DNER: variants seen among roughly 807,000 people sequenced by gnomAD.
The protein encoded by DNER is delta and Notch-like epidermal growth factor-related receptor.
A neutral mutation model predicts 78.2 loss-of-function variants in DNER; 33 were observed. That is an observed-to-expected ratio of 0.42 (90% CI 0.32 to 0.56). The LOEUF (loss-of-function observed/expected upper bound fraction) is 0.56, where lower values mean the gene tolerates loss of function less well. Ranked by LOEUF, DNER falls within the 20% of genes least tolerant of loss-of-function variation. DNER has a pLI of 0.11. For synonymous variants in DNER, 417 were observed against 384.8 expected, an observed-to-expected ratio of 1.08 and a Z score of -0.98; for missense variants, 918 against 975.3, an observed-to-expected ratio of 0.94 and a Z score of 0.78.
At chr2:229,606,940 G>A (rs1359543250) in intron 1 of DNER, among the ~76,000 whole-genome samples, 1 of 152,038 alleles carries the variant, frequency 6.6e-6, no homozygotes, top group African/African-American at 2.4e-5. Context: ...ACGTGTTTAG[G>A]ATCAGTACAG....
intron 6 of DNER, among the ~76,000 whole-genome samples, chr2:229,493,239 A>T (rs1390376868): frequency 6.6e-6 from 1 of 152,226 alleles, no homozygotes; most frequent in African/African-American, 2.4e-5. Flanking sequence ...AATTAGTAGG[A>T]ACAATGTAGT....
In DNER at chr2:229,570,515, T is replaced by G. The variant is rs1366187993; in HGVS notation, c.847+15343A>C. On this transcript the variant is annotated intron_variant, in intron 4 of 12. Coordinates refer to ENST00000341772, the MANE Select transcript of DNER (RefSeq NM_139072.4). ...GGTGTTGGGCGCCTATAATCCCAGC[T>G]ACGTGGGAGGCTGAGGCAGGAGAAT... 2.0e-5 allele frequency among the ~76,000 whole-genome samples: 3 copies of G among 151,754 alleles called. No individual in the cohort carries two copies. The East Asian group carries it at 5.8e-4, about 29-fold the overall frequency.
At chr2:229,654,154 C>T (rs1698871843) in intron 1 of DNER, among the ~76,000 whole-genome samples, 1 of 151,942 alleles carries the variant, frequency 6.6e-6, no homozygotes, top group Non-Finnish European at 1.5e-5. Context: ...GTGATGTTCC[C>T]CACCCTGTGT....
At chr2:229,551,378 A>AGGC (rs200132583) in intron 4 of DNER, among the ~76,000 whole-genome samples, 19,215 of 152,248 alleles carry the variant, frequency 0.13, 1,380 homozygotes, top group Middle Eastern at 0.21. Context: ...TCACGCCTGT[A>AGGC]ATCTCAGCAC....
intron 12 of DNER, among the ~76,000 whole-genome samples, chr2:229,358,943 A>C (rs1203713730): frequency 2.0e-5 from 3 of 152,232 alleles, no homozygotes; most frequent in Non-Finnish European, 4.4e-5. Context: ...AATAGATTTT[A>C]AGAAAATGTG....
At chr2:229,599,492 T>C (rs1697787703) in intron 1 of DNER, among the ~76,000 whole-genome samples, 1 of 152,364 alleles carries the variant, frequency 6.6e-6, no homozygotes, top group South Asian at 2.1e-4. Context: ...AGCAGCATGC[T>C]GTGTCCTTAC....
chr2:229,659,114 C>T (rs1340318846), intron 1 of DNER, among the ~76,000 whole-genome samples: 1 of 152,110 alleles, frequency 6.6e-6, no homozygotes, highest in Non-Finnish European at 1.5e-5. Flanking sequence ...GCAAGGGTAC[C>T]CGGCAGTTTC....
chr2:229,403,458 A>G (rs945681210), intron 10 of DNER, among the ~76,000 whole-genome samples: 1 of 152,174 alleles, frequency 6.6e-6, no homozygotes, highest in Non-Finnish European at 1.5e-5. Flanking sequence ...CATGTCCCAC[A>G]TTTATTTGGC....
At chr2:229,466,789 T>C (rs532011772) in intron 7 of DNER, among the ~76,000 whole-genome samples, 1 of 152,174 alleles carries the variant, frequency 6.6e-6, no homozygotes, top group Non-Finnish European at 1.5e-5. Context: ...ATAGAACATG[T>C]AGAGCACACT....
chr2:229,520,694 G>A (rs1162331250), intron 5 of DNER, among the ~76,000 whole-genome samples: 1 of 152,108 alleles, frequency 6.6e-6, no homozygotes, highest in Non-Finnish European at 1.5e-5. Context: ...AATTCCATTT[G>A]AGCATCCCAC....
intron 6 of DNER, among the ~76,000 whole-genome samples, chr2:229,482,818 G>T (rs935158648): frequency 1.3e-5 from 2 of 152,052 alleles, no homozygotes; most frequent in Non-Finnish European, 2.9e-5. Context: ...AAGACAGGAG[G>T]GTTTAGAAAT....
intron 6 of DNER, among the ~76,000 whole-genome samples, chr2:229,503,789 T>C (rs1194743894): frequency 1.3e-5 from 2 of 152,230 alleles, no homozygotes; most frequent in African/African-American, 2.4e-5. Context: ...GTCACCTGGG[T>C]TGAATATAGT....
chr2:229,707,180 A>ATTTTTTTTTTTTT (rs397868353), intron 1 of DNER, among the ~76,000 whole-genome samples: 2 of 94,610 alleles, frequency 2.1e-5, no homozygotes, highest in Non-Finnish European at 1.9e-5. Context: ...CGGCTGGCTA[A>ATTTTTTTTTTTTT]TTTTTTTTTT....
chr2:229,458,135 C>CAAAAAAAAAAAAAAAA (rs61340733), intron 7 of DNER, among the ~76,000 whole-genome samples: 3 of 17,718 alleles, frequency 1.7e-4, no homozygotes, highest in Non-Finnish European at 1.9e-4. Context: ...GACTCTATCT[C>CAAAAAAAAAAAAAAAA]AAAAAAAAAA....
intron 1 of DNER, among the ~76,000 whole-genome samples, chr2:229,597,079 G>T (rs1218540842): frequency 6.8e-6 from 1 of 148,054 alleles, no homozygotes; most frequent in African/African-American, 2.5e-5. Context: ...ACACAAACAT[G>T]TGTGCACACA....
At chr2:229,452,405 G>A (rs1354357332) in intron 7 of DNER, among the ~76,000 whole-genome samples, 2 of 152,068 alleles carry the variant, frequency 1.3e-5, no homozygotes, top group South Asian at 2.1e-4. Flanking sequence ...GCAGGACTCC[G>A]GTAGATAATG....
At chr2:229,690,744 C>T (rs1368100949) in intron 1 of DNER, among the ~76,000 whole-genome samples, 1 of 151,940 alleles carries the variant, frequency 6.6e-6, no homozygotes, top group African/African-American at 2.4e-5. Context: ...AATGATGGAC[C>T]CAATGAAAAA....
At chr2:229,512,689 C>G (rs187948575) in intron 6 of DNER, 94 bp downstream of exon 6, 1 of 1,515,572 alleles carries the variant, frequency 6.6e-7, no homozygotes, top group African/African-American at 1.4e-5. Flanking sequence ...AACCAAGTAC[C>G]ACCTGTTCTC....
At chr2:229,623,357 G>A (rs749249218) in intron 1 of DNER, among the ~76,000 whole-genome samples, 1 of 152,036 alleles carries the variant, frequency 6.6e-6, no homozygotes. Flanking sequence ...CTTCCGCCAT[G>A]CTGCCTGGCC....
Sources: allele counts gnomAD v4.1 joint callset (sites outside exome capture counted in the v4.1 genomes callset), GRCh38; gene constraint gnomAD v4.1.1; transcripts MANE v1.5; gene names NCBI Gene and HGNC (gene_info 2026-07-23, HGNC 2026-07-21).